Variants in CSMD1 observed in about 807,000 individuals in gnomAD.
CSMD1 encodes CUB and Sushi multiple domains 1.
CSMD1 carries 213 observed loss-of-function variants against 417.5 expected under a neutral mutation model. That is an observed-to-expected ratio of 0.51 (90% CI 0.46 to 0.57). The LOEUF (loss-of-function observed/expected upper bound fraction) is 0.57, where lower values mean the gene tolerates loss of function less well. Among genes scored for constraint, CSMD1 ranks in the 20% least tolerant of loss-of-function variants. CSMD1 has a pLI of 0.00. For missense variants in CSMD1, 6,923 were observed against 4,529.7 expected (o/e 1.53, Z -15.17); for synonymous variants, 2,862 against 1,736.8 (o/e 1.65, Z -16.11).
chr8:4,316,023 T>C (rs556512897), intron 3 of CSMD1, among the ~76,000 whole-genome samples: 1 of 152,320 alleles, frequency 6.6e-6, no homozygotes, highest in Non-Finnish European at 1.5e-5. Context: ...TCAGGCATTA[T>C]TGAAATTTGA....
At chr8:4,907,308 A>T (rs1421802118) in intron 1 of CSMD1, among the ~76,000 whole-genome samples, 2 of 152,162 alleles carry the variant, frequency 1.3e-5, no homozygotes, top group Non-Finnish European at 2.9e-5. Flanking sequence ...TATAAAAGCC[A>T]AAAGAACTCT....
At chr8:4,125,994 A>G (rs994404104) in intron 3 of CSMD1, among the ~76,000 whole-genome samples, 36 of 152,146 alleles carry the variant, frequency 2.4e-4, no homozygotes, top group Admixed American at 1.3e-4. Flanking sequence ...GGTGGTTGTG[A>G]TATGTTGCAG....
At chr8:3,815,749 A>T (rs977675699) in intron 5 of CSMD1, among the ~76,000 whole-genome samples, 1 of 152,032 alleles carries the variant, frequency 6.6e-6, no homozygotes, top group African/African-American at 2.4e-5. Context: ...CATAACATGG[A>T]AAGTCATAAA....
chr8:3,268,443 C>T (rs569957102), intron 26 of CSMD1, among the ~76,000 whole-genome samples: 7 of 151,912 alleles, frequency 4.6e-5, no homozygotes, highest in Admixed American at 1.3e-4. Context: ...TGCCCGCCAC[C>T]ACGCCCAGCT....
At chr8:4,262,559 G>A (rs1336918926) in intron 3 of CSMD1, among the ~76,000 whole-genome samples, 1 of 152,068 alleles carries the variant, frequency 6.6e-6, no homozygotes, top group Non-Finnish European at 1.5e-5. Context: ...TGAAATGCTC[G>A]GGACACACAC....
intron 1 of CSMD1, among the ~76,000 whole-genome samples, chr8:4,685,728 T>A (rs59003549): frequency 0.028 from 4,247 of 152,294 alleles, 188 homozygotes; most frequent in African/African-American, 0.097. Context: ...ATTCTGAACA[T>A]TCTTTTTAAG....
At chr8:4,340,135 G>A (rs757590869) in intron 3 of CSMD1, among the ~76,000 whole-genome samples, 1 of 152,008 alleles carries the variant, frequency 6.6e-6, no homozygotes, top group African/African-American at 2.4e-5. Flanking sequence ...CCTCTTTCAG[G>A]GCTCTCATTT....
chr8:4,373,394 A>C (rs973210224), intron 3 of CSMD1, among the ~76,000 whole-genome samples: 1 of 152,222 alleles, frequency 6.6e-6, no homozygotes, highest in African/African-American at 2.4e-5. Flanking sequence ...GTGCCACCAG[A>C]ATATAAAATG....
chr8:3,971,692 G>A (rs1011719617), intron 5 of CSMD1, among the ~76,000 whole-genome samples: 2 of 152,160 alleles, frequency 1.3e-5, no homozygotes, highest in African/African-American at 2.4e-5. Context: ...GAGAAAGGAT[G>A]CAAGGATACG....
intron 2 of CSMD1, among the ~76,000 whole-genome samples, chr8:4,458,704 T>C (rs1764490176): frequency 6.6e-6 from 1 of 152,216 alleles, no homozygotes; most frequent in African/African-American, 2.4e-5. Flanking sequence ...AATAATTAGA[T>C]TATTTCTTTA....
intron 2 of CSMD1, among the ~76,000 whole-genome samples, chr8:4,566,450 G>C (rs1017661418): frequency 6.6e-6 from 1 of 151,168 alleles, no homozygotes; most frequent in African/African-American, 2.4e-5. Context: ...TCAAGAGAAC[G>C]AGACCATCCT....
chr8:4,682,216 G>T (rs1054794574), intron 1 of CSMD1, among the ~76,000 whole-genome samples: 2 of 152,102 alleles, frequency 1.3e-5, no homozygotes, highest in Non-Finnish European at 1.5e-5. Flanking sequence ...TTTTTGTAGA[G>T]ATGGGATTTC....
At chr8:4,337,961 A>G (rs767586415) in intron 3 of CSMD1, among the ~76,000 whole-genome samples, 30 of 152,146 alleles carry the variant, frequency 2.0e-4, no homozygotes, top group Non-Finnish European at 3.7e-4. Context: ...ACCTTTTTAA[A>G]TATCAGTTTT....
chr8:3,699,635 G>C (rs549448898), intron 7 of CSMD1, among the ~76,000 whole-genome samples: 2 of 151,772 alleles, frequency 1.3e-5, no homozygotes, highest in Non-Finnish European at 2.9e-5. Context: ...TGTTACTACC[G>C]TTATGACAGC....
At chr8:4,180,591 A>T (rs568670166) in intron 3 of CSMD1, among the ~76,000 whole-genome samples, 5 of 152,162 alleles carry the variant, frequency 3.3e-5, no homozygotes, top group Admixed American at 3.3e-4. Flanking sequence ...AATTAAAAAA[A>T]GAAAAAATAA....
At chr8:4,317,988 A>G (rs1799033473) in intron 3 of CSMD1, among the ~76,000 whole-genome samples, 1 of 152,208 alleles carries the variant, frequency 6.6e-6, no homozygotes. Flanking sequence ...GTTATTGAAT[A>G]AATATTTGGA....
At chr8:3,903,934 C>G (rs1177970168) in intron 5 of CSMD1, among the ~76,000 whole-genome samples, 2 of 152,084 alleles carry the variant, frequency 1.3e-5, no homozygotes, top group Non-Finnish European at 2.9e-5. Context: ...CTTTGGTTCA[C>G]TATTTGTTTC....
intron 1 of CSMD1, among the ~76,000 whole-genome samples, chr8:4,728,667 C>T (rs1180156983): frequency 2.0e-5 from 3 of 151,944 alleles, no homozygotes; most frequent in African/African-American, 4.8e-5. Flanking sequence ...GTTAATATTG[C>T]TTAAGTGGAT....
At chr8:3,734,700 G>T (rs1489262651) in intron 6 of CSMD1, among the ~76,000 whole-genome samples, 1 of 152,174 alleles carries the variant, frequency 6.6e-6, no homozygotes, top group Non-Finnish European at 1.5e-5. Context: ...GACAGAGTGA[G>T]ATTTTGTCTC....
Sources: gnomAD v4.1 joint callset for allele counts (sites outside exome capture counted in the v4.1 genomes callset) on GRCh38, gnomAD v4.1.1 for gene constraint, MANE v1.5 for transcripts, NCBI Gene and HGNC (gene_info 2026-07-23, HGNC 2026-07-21) for gene names.